The following CUBN variants were observed in gnomAD, a reference collection of about 807,000 sequenced individuals.
CUBN encodes the protein cubilin.
In CUBN, 282 loss-of-function variants were observed where a neutral mutation model predicts 405.3. That is an observed-to-expected ratio of 0.70 (90% CI 0.63 to 0.77). The LOEUF (loss-of-function observed/expected upper bound fraction) is 0.77, where lower values mean the gene tolerates loss of function less well. Ranked by LOEUF, CUBN falls within the 30% of genes least tolerant of loss-of-function variation. The pLI is 0.00. For missense variants in CUBN, 4,514 were observed against 4,475.2 expected (o/e 1.01, Z -0.25); for synonymous variants, 1,684 against 1,617.0 (o/e 1.04, Z -0.99).
chr10:16,837,655 C>T (rs933193182), intron 62 of CUBN, among the ~76,000 whole-genome samples: 3 of 152,068 alleles, frequency 2.0e-5, no homozygotes, highest in African/African-American at 7.2e-5. Flanking sequence ...ACTGAACATC[C>T]TCCGTAACCA....
intron 31 of CUBN, among the ~76,000 whole-genome samples, chr10:16,968,279 T>C (rs750861661): frequency 6.6e-6 from 1 of 151,956 alleles, no homozygotes; most frequent in Admixed American, 6.6e-5. Context: ...TGTCGAATAA[T>C]GGAACAACAA....
intron 31 of CUBN, among the ~76,000 whole-genome samples, chr10:16,967,147 GTGATT>G (rs1843415319): frequency 6.6e-6 from 1 of 152,136 alleles, no homozygotes; most frequent in Non-Finnish European, 1.5e-5. Flanking sequence ...TCCTTTGTCA[GTGATT>G]TTTTTCCAGT....
intron 27 of CUBN, among the ~76,000 whole-genome samples, chr10:17,023,147 T>C (rs933430714): frequency 2.9e-4 from 44 of 151,614 alleles, no homozygotes; most frequent in African/African-American, 1.0e-3. Context: ...AGGAGACCCC[T>C]GGATCTCAGC....
rs1291511339 is a variant in CUBN, at chr10:16,985,830, T to C, written c.4351-1551A>G. 3.3e-5 allele frequency among the ~76,000 whole-genome samples: 5 copies of C among 152,366 alleles called. No homozygotes were observed. In the East Asian group the frequency reaches 7.7e-4, roughly 23 times the overall value. The stretch of plus-strand genomic sequence containing the variant: ...CTATCACACATGACTTCAGACCACG[T>C]AGGCTCCTCCAAATCTCCCAAACTG... On this transcript the variant is annotated intron_variant, in intron 29 of 66. Coordinates refer to ENST00000377833, the MANE Select transcript of CUBN (RefSeq NM_001081.4).
intron 14 of CUBN, among the ~76,000 whole-genome samples, chr10:17,096,576 C>T (rs1267360241): frequency 6.6e-6 from 1 of 151,930 alleles, no homozygotes; most frequent in Non-Finnish European, 1.5e-5. Flanking sequence ...CTATAACTTT[C>T]TGACTAAGTA....
intron 14 of CUBN, among the ~76,000 whole-genome samples, chr10:17,095,385 T>TA (rs1317320446): frequency 4.6e-5 from 7 of 151,876 alleles, no homozygotes; most frequent in Non-Finnish European, 8.8e-5. Flanking sequence ...CTGAAATATA[T>TA]AAAAAACTCA....
rs1042404480 is a variant in CUBN at position 17,068,412 on chromosome 10, T to G, written c.2792-132A>C. Reference sequence around the variant, plus strand: ...TTCTTAGTTGCCACTTAAGATAACCTGATTTTTCTCTTATTAATAAGTAAC... The same window carrying G: ...TTCTTAGTTGCCACTTAAGATAACCGGATTTTTCTCTTATTAATAAGTAAC... On this transcript the variant is annotated intron_variant, in intron 20 of 66. Coordinates refer to ENST00000377833, the MANE Select transcript of CUBN (RefSeq NM_001081.4). 4.0e-6 allele frequency: 4 copies of G among 1,010,258 alleles called. No homozygotes were observed. The African/African-American group carries it at 5.0e-5, about 13-fold the overall frequency. 62.6% of individuals were successfully genotyped at this position (1,010,258 alleles called of 1,614,324 possible).
chr10:17,070,244 A>C (rs1835708648), intron 19 of CUBN, among the ~76,000 whole-genome samples: 1 of 152,226 alleles, frequency 6.6e-6, no homozygotes, highest in Non-Finnish European at 1.5e-5. Context: ...TCCTTACTTC[A>C]ATAAGATACT....
At chr10:16,898,790 T>C (rs1390283062) in intron 54 of CUBN, among the ~76,000 whole-genome samples, 1 of 152,192 alleles carries the variant, frequency 6.6e-6, no homozygotes, top group African/African-American at 2.4e-5. Flanking sequence ...ATAAAGGGCA[T>C]TTTTCCCTTT....
At position 16,915,848 on chromosome 10, in the gene CUBN, C is replaced by T. The variant is rs138534919; in HGVS notation, c.7183G>A (p.Val2395Met). The stretch of plus-strand genomic sequence containing the variant: ...GAGGTATGATTGTCCCAGATCTCCA[C>T]GAAGTCTTTTTCACAGCCAGAAGAA... Reference protein sequence around the residue: ...QNSSGCEKDFVEIWDNHTSGN... With the variant: ...QNSSGCEKDFMEIWDNHTSGN... Residue 2395 changes from valine to methionine, a missense_variant, in exon 46 of 67, where the codon GTG becomes ATG. By Grantham distance (21) the Val-to-Met change is conservative. Coordinates refer to ENST00000377833, the MANE Select transcript of CUBN (RefSeq NM_001081.4). 6.8e-6 allele frequency: 11 copies of T among 1,613,530 alleles called. No homozygotes were observed. Among genetic ancestry groups the T allele is most frequent in the African/African-American group, 6.7e-5 (5 of 74,904 alleles).
intron 28 of CUBN, 76 bp from the exon 29 acceptor site, chr10:16,990,591 G>T: frequency 7.6e-7 from 1 of 1,311,266 alleles, no homozygotes; most frequent in Non-Finnish European, 1.1e-6. Flanking sequence ...TCAACTCACC[G>T]AAAGGCCATC....
At chr10:16,935,879 CAAA>C (rs369098280) in intron 39 of CUBN, among the ~76,000 whole-genome samples, 1 of 71,412 alleles carries the variant, frequency 1.4e-5, no homozygotes, top group Non-Finnish European at 2.6e-5. Flanking sequence ...GACTCCATCT[CAAA>C]AAAAAAAAAA....
rs116868594 is a variant in CUBN at position 16,895,625 on chromosome 10, T to C, written c.8598+3371A>G. On this transcript the variant is annotated intron_variant, in intron 54 of 66. Transcript: ENST00000377833. ...TCATTATGTCTTCCTGGTGGATTGA[T>C]CCTTTTATCATTATGTAAGATTCCT... 8.7e-3 allele frequency among the ~76,000 whole-genome samples: 1,321 copies of C among 152,324 alleles called. 5 individuals are homozygous for C. Among genetic ancestry groups the C allele is most frequent in the Non-Finnish European group, 0.016 (1,060 of 68,018 alleles).
chr10:16,850,550 C>A (rs1839655407), intron 60 of CUBN, among the ~76,000 whole-genome samples: 1 of 152,192 alleles, frequency 6.6e-6, no homozygotes, highest in Non-Finnish European at 1.5e-5. Context: ...CAGCTCACTG[C>A]AACCTCCACC....
At chr10:17,114,531 G>A (rs930272604) in intron 7 of CUBN, among the ~76,000 whole-genome samples, 3 of 152,140 alleles carry the variant, frequency 2.0e-5, no homozygotes, top group African/African-American at 7.2e-5. Context: ...CACAGACCTT[G>A]GAAAATCAAT....
intron 28 of CUBN, among the ~76,000 whole-genome samples, chr10:17,011,809 G>C (rs573669433): frequency 7.2e-5 from 10 of 138,114 alleles, no homozygotes; most frequent in Non-Finnish European, 1.3e-4. Flanking sequence ...GTGCTGATTG[G>C]TGCATTTACA....
rs1279581373 is a variant in CUBN, at chr10:17,019,825, T to C, written c.4168+8A>G. On this transcript the variant is annotated splice_region_variant and intron_variant, in intron 28 of 66. Coordinates refer to ENST00000377833, the MANE Select transcript of CUBN (RefSeq NM_001081.4). Reference sequence around the variant, plus strand: ...TGCAAATACAACTGAGATCAGCACCTGGCTTACCGTAAACAAACCACTGCA... The same window carrying C: ...TGCAAATACAACTGAGATCAGCACCCGGCTTACCGTAAACAAACCACTGCA... The C allele has an allele frequency of 6.2e-7, 1 of 1,614,110 alleles. No homozygotes were observed. The highest frequency in any genetic ancestry group is 8.5e-7 in the Non-Finnish European group (1 of 1,179,948).
At chr10:16,858,104 C>G (rs575005864) in intron 59 of CUBN, among the ~76,000 whole-genome samples, 2 of 151,876 alleles carry the variant, frequency 1.3e-5, no homozygotes, top group Admixed American at 1.3e-4. Context: ...CTTAATGAAG[C>G]AGATACAGGC....
intron 50 of CUBN, among the ~76,000 whole-genome samples, chr10:16,904,356 A>G (rs564783101): frequency 6.6e-6 from 1 of 152,230 alleles, no homozygotes; most frequent in Non-Finnish European, 1.5e-5. Context: ...GATGGACACC[A>G]TTTTGTTCCA....
Sources: gnomAD v4.1 joint callset for allele counts (sites outside exome capture counted in the v4.1 genomes callset) on GRCh38, gnomAD v4.1.1 for gene constraint, MANE v1.5 for transcripts, NCBI Gene and HGNC (gene_info 2026-07-23, HGNC 2026-07-21) for gene names.